PCLO: variants seen among roughly 807,000 people sequenced by gnomAD.
The protein encoded by PCLO is piccolo presynaptic cytomatrix protein.
In PCLO, 82 loss-of-function variants were observed where a neutral mutation model predicts 427.5. The observed-to-expected ratio is 0.19, with a 90% CI of 0.16 to 0.23. The LOEUF (loss-of-function observed/expected upper bound fraction) is 0.23, where lower values mean the gene tolerates loss of function less well. Among genes scored for constraint, PCLO ranks in the 10% least tolerant of loss-of-function variants. The pLI is 1.00. For missense variants in PCLO, 6,239 were observed against 6,115.9 expected (o/e 1.02, Z -0.67); for synonymous variants, 2,357 against 2,155.4 (o/e 1.09, Z -2.59).
intron 22 of PCLO, among the ~76,000 whole-genome samples, chr7:82,773,159 G>A (rs62466897): frequency 0.063 from 9,667 of 152,250 alleles, 715 homozygotes; most frequent in African/African-American, 0.18. Flanking sequence ...AGGAAAAGTA[G>A]TGGGTCTGTA....
intron 3 of PCLO, among the ~76,000 whole-genome samples, chr7:82,979,710 T>C (rs1381579068): frequency 6.6e-6 from 1 of 152,150 alleles, no homozygotes; most frequent in African/African-American, 2.4e-5. Flanking sequence ...AGATTTAACT[T>C]TCACATGTGT....
chr7:83,044,024 A>T (rs923484191), intron 3 of PCLO, among the ~76,000 whole-genome samples: 1 of 139,960 alleles, frequency 7.1e-6, no homozygotes, highest in Non-Finnish European at 1.5e-5. Flanking sequence ...TAATTTATTT[A>T]AAAAAGAAGT....
intron 10 of PCLO, among the ~76,000 whole-genome samples, chr7:82,849,878 G>T (rs2522841): frequency 0.39 from 59,241 of 151,806 alleles, 12,688 homozygotes; most frequent in East Asian, 0.7. Context: ...ATTATGATAT[G>T]TATTATTTAG....
At chr7:83,140,920 G>C (rs1418954815) in intron 2 of PCLO, among the ~76,000 whole-genome samples, 1 of 152,104 alleles carries the variant, frequency 6.6e-6, no homozygotes, top group Non-Finnish European at 1.5e-5. Context: ...AATACACTTG[G>C]TCCCTTCATT....
intron 22 of PCLO, among the ~76,000 whole-genome samples, chr7:82,799,937 A>G (rs1791308083): frequency 6.6e-6 from 1 of 152,134 alleles, no homozygotes. Flanking sequence ...TCTATTTCAA[A>G]TATTCAGAGC....
chr7:82,973,417 A>G (rs1562892972), intron 3 of PCLO, among the ~76,000 whole-genome samples: 1 of 152,218 alleles, frequency 6.6e-6, no homozygotes, highest in Non-Finnish European at 1.5e-5. Flanking sequence ...ATCAAATTAT[A>G]TTAGAACATA....
chr7:82,836,288 T>C (rs1179990597), intron 15 of PCLO, among the ~76,000 whole-genome samples: 1 of 152,304 alleles, frequency 6.6e-6, no homozygotes, highest in Middle Eastern at 3.4e-3. Flanking sequence ...CATTTGCAAA[T>C]GCTTATTACA....
chr7:82,790,625 T>C (rs768560928), intron 22 of PCLO, among the ~76,000 whole-genome samples: 2 of 152,246 alleles, frequency 1.3e-5, no homozygotes, highest in African/African-American at 2.4e-5. Context: ...TCTATGCCAA[T>C]TGTTCATGAA....
intron 9 of PCLO, among the ~76,000 whole-genome samples, chr7:82,881,163 G>A (rs930467446): frequency 1.3e-5 from 2 of 152,084 alleles, no homozygotes; most frequent in African/African-American, 4.8e-5. Context: ...GATTGCTTGA[G>A]GCCAGGAGTT....
At chr7:83,108,358 A>G (rs533068836) in intron 3 of PCLO, among the ~76,000 whole-genome samples, 7 of 152,250 alleles carry the variant, frequency 4.6e-5, no homozygotes, top group Non-Finnish European at 1.0e-4. Flanking sequence ...CTACTTATCT[A>G]TATACCTACT....
At chr7:83,122,656 G>T (rs988222497) in intron 3 of PCLO, among the ~76,000 whole-genome samples, 2 of 152,024 alleles carry the variant, frequency 1.3e-5, no homozygotes, top group Non-Finnish European at 2.9e-5. Flanking sequence ...TTAGACAAAA[G>T]AAAGAAAGGA....
chr7:82,935,524 C>T (rs1398626104), intron 6 of PCLO, among the ~76,000 whole-genome samples: 1 of 151,172 alleles, frequency 6.6e-6, no homozygotes, highest in Non-Finnish European at 1.5e-5. Context: ...AACAAAAAAC[C>T]TCTACAAAAT....
chr7:83,067,504 G>C (rs1006108104), intron 3 of PCLO, among the ~76,000 whole-genome samples: 4 of 151,952 alleles, frequency 2.6e-5, no homozygotes, highest in Admixed American at 2.6e-4. Context: ...TTGTAATAAA[G>C]ACAAAGAGTA....
At position 82,822,474 on chromosome 7, in the gene PCLO, G is replaced by A. The variant is rs765976909; in HGVS notation, c.14791+21C>T. On this transcript the variant is annotated intron_variant, in intron 20 of 24. Transcript: ENST00000333891. The stretch of plus-strand genomic sequence containing the variant: ...ATGAACATTAAGCTGCCATGCTGAG[G>A]AATTTATTTGCGTCTTTTACTTGGT... 5 of 1,613,652 alleles carry A rather than the reference G, an allele frequency of 3.1e-6. No individual in the cohort carries two copies. In the African/African-American group the frequency reaches 5.3e-5, roughly 17 times the overall value.
At chr7:82,795,228 T>C (rs1791200521) in intron 22 of PCLO, among the ~76,000 whole-genome samples, 1 of 152,192 alleles carries the variant, frequency 6.6e-6, no homozygotes, top group Admixed American at 6.5e-5. Flanking sequence ...ATGAAATATC[T>C]GTTCCATTGG....
intron 3 of PCLO, among the ~76,000 whole-genome samples, chr7:82,977,514 G>A (rs1796047173): frequency 6.6e-6 from 1 of 151,758 alleles, no homozygotes; most frequent in African/African-American, 2.4e-5. Flanking sequence ...CCAGGTTCAA[G>A]CGATTCTCCT....
intron 3 of PCLO, among the ~76,000 whole-genome samples, chr7:82,986,554 T>C (rs1462105012): frequency 1.3e-5 from 2 of 151,936 alleles, no homozygotes; most frequent in Non-Finnish European, 1.5e-5. Context: ...TTTACCTGTT[T>C]TTCACTTTGT....
At chr7:82,945,808 C>G (rs10236374) in intron 6 of PCLO, among the ~76,000 whole-genome samples, 3 of 151,892 alleles carry the variant, frequency 2.0e-5, no homozygotes, top group African/African-American at 7.3e-5. Context: ...ATTTTAAAAA[C>G]GTATAAACCT....
chr7:82,828,782 G>A (rs1207280563), intron 16 of PCLO, among the ~76,000 whole-genome samples: 1 of 152,120 alleles, frequency 6.6e-6, no homozygotes, highest in Non-Finnish European at 1.5e-5. Context: ...TTACCAAATG[G>A]TGCCCACACA....
Sources: allele counts gnomAD v4.1 joint callset (sites outside exome capture counted in the v4.1 genomes callset), GRCh38; gene constraint gnomAD v4.1.1; transcripts MANE v1.5; gene names NCBI Gene and HGNC (gene_info 2026-07-23, HGNC 2026-07-21).